The following KLHL2 variants were observed in gnomAD, a reference collection of about 807,000 sequenced individuals.
KLHL2 encodes kelch-like protein 2.
In KLHL2, 15 loss-of-function variants were observed where a neutral mutation model predicts 75.8. The observed-to-expected ratio is 0.20, with a 90% CI of 0.13 to 0.30. The LOEUF (loss-of-function observed/expected upper bound fraction) is 0.30, where lower values mean the gene tolerates loss of function less well. Among genes scored for constraint, KLHL2 ranks in the 10% least tolerant of loss-of-function variants. The pLI, the probability that KLHL2 is intolerant of heterozygous loss-of-function variation, is 1.00. For synonymous variants in KLHL2, 214 were observed against 251.9 expected, an observed-to-expected ratio of 0.85 and a Z score of 1.42; for missense variants, 381 against 741.0, an observed-to-expected ratio of 0.51 and a Z score of 5.64.
At chr4:165,216,352 T>G (rs1737541797) in intron 1 of KLHL2, among the ~76,000 whole-genome samples, 1 of 152,280 alleles carries the variant, frequency 6.6e-6, no homozygotes, top group African/African-American at 2.4e-5. Context: ...CTGGGAAACC[T>G]CAACTATTTT....
intron 4 of KLHL2, among the ~76,000 whole-genome samples, chr4:165,255,165 T>G (rs2111189769): frequency 6.6e-6 from 1 of 152,346 alleles, no homozygotes; most frequent in East Asian, 1.9e-4. Context: ...GAGAGATGGC[T>G]TTCAGTCTGC....
chr4:165,227,525 A>G (rs576069319), intron 2 of KLHL2, among the ~76,000 whole-genome samples: 103 of 152,338 alleles, frequency 6.8e-4, no homozygotes, highest in African/African-American at 2.3e-3. Context: ...TTTAGGAAAT[A>G]GAACAGTAGA....
intron 1 of KLHL2, chr4:165,209,961 G>A (rs1737090092): frequency 1.4e-6 from 2 of 1,430,014 alleles, no homozygotes; most frequent in African/African-American, 1.4e-5. Context: ...CATGGATCCC[G>A]TGTGCCGGAT....
intron 1 of KLHL2, chr4:165,219,701 A>G: frequency 7.8e-7 from 1 of 1,277,252 alleles, no homozygotes; most frequent in Admixed American, 3.8e-5. Context: ...TTGATCTTTG[A>G]CGGAACTTGG....
At chr4:165,296,731 G>T (rs753145420) in intron 6 of KLHL2, among the ~76,000 whole-genome samples, 1 of 152,168 alleles carries the variant, frequency 6.6e-6, no homozygotes, top group Non-Finnish European at 1.5e-5. Context: ...ATATTAGATA[G>T]AATTGCCAGA....
intron 5 of KLHL2, among the ~76,000 whole-genome samples, chr4:165,265,760 G>C (rs1471857812): frequency 6.6e-6 from 1 of 152,128 alleles, no homozygotes; most frequent in Non-Finnish European, 1.5e-5. Flanking sequence ...CTTTGCTATT[G>C]TGAATAGTGT....
chr4:165,211,985 A>G (rs2110939884), intron 1 of KLHL2, among the ~76,000 whole-genome samples: 1 of 152,308 alleles, frequency 6.6e-6, no homozygotes, highest in African/African-American at 2.4e-5. Flanking sequence ...GTGCTTATGA[A>G]GACCACTGAA....
intron 14 of KLHL2, among the ~76,000 whole-genome samples, chr4:165,318,865 T>C (rs746986734): frequency 6.6e-6 from 1 of 151,870 alleles, no homozygotes; most frequent in African/African-American, 2.4e-5. Flanking sequence ...ATTGAAAAAA[T>C]TAAGTTTAAG....
chr4:165,233,194 G>GT (rs1338134065), intron 3 of KLHL2, among the ~76,000 whole-genome samples: 1 of 152,200 alleles, frequency 6.6e-6, no homozygotes, highest in African/African-American at 2.4e-5. Context: ...GAAGTGAAAA[G>GT]TAATTCTGTG....
chr4:165,296,724 T>C (rs933046559), intron 6 of KLHL2, among the ~76,000 whole-genome samples: 1 of 152,146 alleles, frequency 6.6e-6, no homozygotes, highest in Non-Finnish European at 1.5e-5. Context: ...CTGAGAAATA[T>C]TAGATAGAAT....
chr4:165,317,071 A>C lies in KLHL2; in HGVS notation c.1610-755A>C, dbSNP rs72997725. On this transcript the variant is annotated intron_variant, in intron 13 of 14. Coordinates refer to ENST00000226725, the MANE Select transcript of KLHL2 (RefSeq NM_007246.4). ...TTGCAAAGAAAAGAGTTATTTTAATAGATAAATAATATTGTTCTCTTTAAA... is the reference window on the plus strand; with the variant it reads ...TTGCAAAGAAAAGAGTTATTTTAATCGATAAATAATATTGTTCTCTTTAAA... Among the ~76,000 whole-genome samples, 1,242 of 152,280 alleles carry C rather than the reference A, an allele frequency of 8.2e-3. 12 individuals are homozygous for C. Among genetic ancestry groups the C allele is most frequent in the African/African-American group, 0.029 (1,191 of 41,572 alleles).
intron 8 of KLHL2, among the ~76,000 whole-genome samples, chr4:165,299,992 G>A (rs1397728785): frequency 6.6e-6 from 1 of 152,118 alleles, no homozygotes. Flanking sequence ...CCAGGTAGAA[G>A]GATTTCTCTG....
chr4:165,207,832 C>G lies in KLHL2; in HGVS notation c.-45C>G. ...GCGTCCGCGGCTGGAATGGTGCTGG[C>G]TGTGTTGGTCGGTGCCTGCGTTCTG... On this transcript the variant is annotated 5_prime_UTR_variant, in exon 1 of 15. Transcript: ENST00000226725. The surrounding 1 kb of genome is among the most constrained non-coding windows in gnomAD (Gnocchi z 4.2). The G allele has an allele frequency of 7.0e-7, 1 of 1,435,828 alleles. No individual in the cohort carries two copies. Among genetic ancestry groups the G allele is most frequent in the South Asian group, 1.3e-5 (1 of 77,020 alleles). The allele number at this position is 1,435,828 out of a possible 1,614,324, so 88.9% of individuals were successfully genotyped here. A position where few individuals can be genotyped will look rare whatever the true frequency, so the allele number is the denominator to read the frequency against.
intron 3 of KLHL2, among the ~76,000 whole-genome samples, chr4:165,232,774 G>A (rs1197528909): frequency 6.6e-6 from 1 of 151,868 alleles, no homozygotes; most frequent in Non-Finnish European, 1.5e-5. Flanking sequence ...AAGAAGACAC[G>A]GGGATTGGGT....
intron 4 of KLHL2, among the ~76,000 whole-genome samples, chr4:165,260,485 C>T (rs188325779): frequency 0.012 from 1,828 of 152,044 alleles, 32 homozygotes; most frequent in African/African-American, 0.04. Context: ...TCTCCTAATA[C>T]GGTAGATCTG....
chr4:165,240,134 A>T (rs1304420449), intron 4 of KLHL2, among the ~76,000 whole-genome samples: 1 of 152,232 alleles, frequency 6.6e-6, no homozygotes, highest in Non-Finnish European at 1.5e-5. Flanking sequence ...ATTTTTTGAT[A>T]GCAATGCCAA....
chr4:165,269,584 G>A (rs1742515751), intron 5 of KLHL2, among the ~76,000 whole-genome samples: 1 of 144,174 alleles, frequency 6.9e-6, no homozygotes, highest in Admixed American at 6.9e-5. Flanking sequence ...GCTGAGTTTG[G>A]CTGGATATGA....
chr4:165,313,629 T>G (rs1259150056), intron 12 of KLHL2, among the ~76,000 whole-genome samples: 4 of 152,162 alleles, frequency 2.6e-5, no homozygotes, highest in Admixed American at 2.6e-4. Flanking sequence ...AGTTTTTTGT[T>G]TTTAGTGCTT....
intron 5 of KLHL2, among the ~76,000 whole-genome samples, chr4:165,271,250 A>G (rs1742671498): frequency 1.3e-5 from 2 of 151,958 alleles, no homozygotes; most frequent in Non-Finnish European, 2.9e-5. Context: ...CAGTATGGTC[A>G]TTTTCATGGT....
Sources: allele counts gnomAD v4.1 joint callset (sites outside exome capture counted in the v4.1 genomes callset), GRCh38; gene constraint gnomAD v4.1.1; non-coding constraint Gnocchi (gnomAD v3.1); transcripts MANE v1.5; gene names NCBI Gene and HGNC (gene_info 2026-07-23, HGNC 2026-07-21).